The following ZFP90 variants were observed in gnomAD, a reference collection of about 807,000 sequenced individuals.
The protein encoded by ZFP90 is zinc finger protein 90 homolog.
In ZFP90, 38 loss-of-function variants were observed where a neutral mutation model predicts 60.8. The observed-to-expected ratio is 0.62, with a 90% CI of 0.48 to 0.82. The LOEUF is 0.82. ZFP90 is among the 40% of genes least tolerant of loss of function. ZFP90 has a pLI of 0.00. For synonymous variants in ZFP90, 287 were observed against 264.8 expected, an observed-to-expected ratio of 1.08 and a Z score of -0.82; for missense variants, 711 against 759.1, an observed-to-expected ratio of 0.94 and a Z score of 0.74.
At position 68,548,729 on chromosome 16, in the gene ZFP90, A is replaced by G. The variant is rs540598772; in HGVS notation, c.33+8904A>G. Among the ~76,000 whole-genome samples the G allele has an allele frequency of 4.6e-5, 7 of 152,096 alleles. No homozygotes were observed. The South Asian group carries it at 8.3e-4, about 18-fold the overall frequency. Reference sequence around the variant, plus strand: ...GGTCTCGAACTCCCGACCTCAGGTGATTCGCCCGCCTCGGCCTCCCAAAGT... The same window carrying G: ...GGTCTCGAACTCCCGACCTCAGGTGGTTCGCCCGCCTCGGCCTCCCAAAGT... On this transcript the variant is annotated intron_variant, in intron 2 of 4. Transcript: ENST00000563169.
upstream of ZFP90, among the ~76,000 whole-genome samples, chr16:68,536,535 C>T (rs1033381337): frequency 6.6e-6 from 1 of 152,096 alleles, no homozygotes; most frequent in Non-Finnish European, 1.5e-5. Context: ...AACGCCTAGG[C>T]TCAAGCGATC....
intron 2 of ZFP90, among the ~76,000 whole-genome samples, 198 bp from the exon 3 acceptor site, chr16:68,557,800 C>T (rs1055067397): frequency 2.0e-5 from 3 of 147,232 alleles, no homozygotes; most frequent in Admixed American, 1.4e-4. Context: ...GACAAATTGC[C>T]CCTCATAACT....
chr16:68,536,391 A>G (rs546646896), upstream of ZFP90, among the ~76,000 whole-genome samples: 1 of 151,594 alleles, frequency 6.6e-6, no homozygotes, highest in South Asian at 2.1e-4. Context: ...TGCATCCTCA[A>G]CCTCCCCTAG....
intron 4 of ZFP90, among the ~76,000 whole-genome samples, chr16:68,560,704 G>A (rs946828646): frequency 2.4e-4 from 36 of 148,926 alleles, no homozygotes; most frequent in Admixed American, 6.7e-4. Flanking sequence ...CTACAGGCAC[G>A]CACCAACTCG....
chr16:68,571,038 G>A (rs1024807730), downstream of ZFP90, among the ~76,000 whole-genome samples: 1 of 152,104 alleles, frequency 6.6e-6, no homozygotes, highest in Admixed American at 6.5e-5. Context: ...ACAGAAGTGT[G>A]GTCTTGGGTG....
exon 3 of ZFP90, chr16:68,575,810 G>A (rs554639561): frequency 3.8e-5 from 15 of 398,148 alleles, no homozygotes; most frequent in East Asian, 1.8e-4. Context: ...GCCTCCTGCC[G>A]CTGTCGCTAC....
In ZFP90 at chr16:68,565,564, A is replaced by T. The variant is rs758738847; in HGVS notation, c.*866A>T. 130 of 985,476 alleles carry T rather than the reference A, an allele frequency of 1.3e-4. No individual in the cohort carries two copies. The highest frequency in any genetic ancestry group is 1.4e-4 in the Non-Finnish European group (120 of 829,944). The allele number at this position is 985,476 out of a possible 1,614,324, so 61.0% of individuals were successfully genotyped here. On this transcript the variant is annotated 3_prime_UTR_variant, in exon 5 of 5. Coordinates refer to ENST00000563169, the MANE Select transcript of ZFP90 (RefSeq NM_001305203.2). ...TTTTCCCCTTTTCCCAGTTACAATT[A>T]TACTTTCAGCTAACATATGCCAGTT...
At chr16:68,533,778 TCCTCCTGCCTCAG>T (rs2090942733) in exon 2 of ZFP90, 1 of 152,208 alleles carries the variant, frequency 6.6e-6, no homozygotes, top group Non-Finnish European at 1.5e-5. Flanking sequence ...GTTCAAGCCA[TCCTCCTGCCTCAG>T]CCTCCTGAGT....
rs1032477126 is a variant in ZFP90, at chr16:68,541,628, A to G, written c.33+1803A>G. 5.3e-5 allele frequency among the ~76,000 whole-genome samples: 8 copies of G among 152,010 alleles called. No individual in the cohort carries two copies. The East Asian group carries it at 1.3e-3, about 26-fold the overall frequency. On this transcript the variant is annotated intron_variant, in intron 2 of 4. Transcript: ENST00000563169. ...TTTATATATATATATACTTCTTATT[A>G]TATGTTTCTGTTTTTACAGGGATGA...
intron 2 of ZFP90, among the ~76,000 whole-genome samples, chr16:68,574,611 G>A (rs1377739549): frequency 6.6e-6 from 1 of 152,120 alleles, no homozygotes; most frequent in Non-Finnish European, 1.5e-5. Context: ...GCTTTTGTCT[G>A]GAGGCATTTT....
downstream of ZFP90, among the ~76,000 whole-genome samples, chr16:68,571,686 T>C (rs1412981813): frequency 1.3e-5 from 2 of 152,154 alleles, no homozygotes; most frequent in African/African-American, 4.8e-5. Flanking sequence ...CCCAGCACTT[T>C]GGGAGGCCAA....
intron 2 of ZFP90, among the ~76,000 whole-genome samples, chr16:68,551,415 CTT>C (rs10538200): frequency 0.2 from 24,981 of 123,062 alleles, 3,399 homozygotes; most frequent in African/African-American, 0.34. Flanking sequence ...ACATGTGATC[CTT>C]TTTTTTTTTT....
At chr16:68,535,366 GTC>G (rs1419645560), upstream of ZFP90, 1 of 152,196 alleles carries the variant, frequency 6.6e-6, no homozygotes, top group Admixed American at 6.5e-5. Context: ...TTACCTTGCA[GTC>G]TCTACCATGG....
chr16:68,539,484 G>A lies in ZFP90; in HGVS notation c.-36+5G>A, dbSNP rs997067386. The A allele has an allele frequency of 7.2e-6, 3 of 417,296 alleles. No individual in the cohort carries two copies. Among genetic ancestry groups the A allele is most frequent in the Non-Finnish European group, 1.3e-5 (3 of 235,598 alleles). The allele number at this position is 417,296 out of a possible 1,614,324, so 25.8% of individuals were successfully genotyped here. On this transcript the variant is annotated splice_donor_5th_base_variant and intron_variant, in intron 1 of 4. Transcript: ENST00000563169. Reference sequence around the variant, plus strand: ...CCCCAGAGGCGGTGATTCTGAGTGCGCGGGTCTGGGCGGGACCCCTCCTGG... The same window carrying A: ...CCCCAGAGGCGGTGATTCTGAGTGCACGGGTCTGGGCGGGACCCCTCCTGG...
downstream of ZFP90, among the ~76,000 whole-genome samples, chr16:68,568,809 G>T (rs2091552242): frequency 6.6e-6 from 1 of 152,086 alleles, no homozygotes; most frequent in Non-Finnish European, 1.5e-5. Context: ...ATCCCAAGTA[G>T]CTGGGACCAC....
rs1208133369 is a variant in ZFP90, at chr16:68,566,627, C to T, written c.*1929C>T. The T allele has an allele frequency of 2.0e-6, 2 of 985,464 alleles. No individual in the cohort carries two copies. Among genetic ancestry groups the T allele is most frequent in the African/African-American group, 1.7e-5 (1 of 57,212 alleles). 61.0% of individuals were successfully genotyped at this position (985,464 alleles called of 1,614,324 possible). A position where few individuals can be genotyped will look rare whatever the true frequency, so the allele number is the denominator to read the frequency against. On this transcript the variant is annotated 3_prime_UTR_variant, in exon 5 of 5. Transcript: ENST00000563169. The stretch of plus-strand genomic sequence containing the variant: ...CTTCTGAGATGCTGACCATCCAAAA[C>T]ACCTTGTTTATGGTGCACCATGATT...
intron 4 of ZFP90, among the ~76,000 whole-genome samples, chr16:68,561,860 T>C (rs371743424): frequency 1.3e-5 from 2 of 152,240 alleles, no homozygotes; most frequent in South Asian, 2.1e-4. Context: ...AGGGTCTTAT[T>C]GTGATTTCCT....
Position 68,563,743 on chromosome 16 carries a change from TC to T in ZFP90, c.958del (p.Gln320SerfsTer94). 1 of 1,609,474 alleles carries T rather than the reference TC, an allele frequency of 6.2e-7. No homozygotes were observed. The highest frequency in any genetic ancestry group is 8.5e-7 in the Non-Finnish European group (1 of 1,178,010). On this transcript the variant is annotated frameshift_variant, in exon 5 of 5. Transcript: ENST00000563169. LOFTEE classifies it high-confidence loss of function. ...CAGTGTAGTCTCTGTGGGAAAGCCTTCCAGCGCAGCTCCTCCCTTGTTCAAC... is the reference window on the plus strand; with the variant it reads ...CAGTGTAGTCTCTGTGGGAAAGCCTTCAGCGCAGCTCCTCCCTTGTTCAAC... The part of the protein sequence containing the change: ...PYQCSLCGKA[F>X]QRSSSLVQHQ...
intron 2 of ZFP90, among the ~76,000 whole-genome samples, chr16:68,544,370 C>G (rs1192399640): frequency 6.6e-6 from 1 of 152,144 alleles, no homozygotes; most frequent in African/African-American, 2.4e-5. Flanking sequence ...TATGATTGCA[C>G]TACTGCACTC....
Sources: gnomAD v4.1 joint callset for allele counts (sites outside exome capture counted in the v4.1 genomes callset) on GRCh38, gnomAD v4.1.1 for gene constraint, MANE v1.5 for transcripts, NCBI Gene and HGNC (gene_info 2026-07-23, HGNC 2026-07-21) for gene names.